AGGF1: variants seen among roughly 807,000 people sequenced by gnomAD.
The protein encoded by AGGF1 is angiogenic factor with G patch and FHA domains 1.
AGGF1 carries 56 observed loss-of-function variants against 86.5 expected under a neutral mutation model. That is an observed-to-expected ratio of 0.65 (90% CI 0.52 to 0.81). AGGF1 has a LOEUF of 0.81. Among genes scored for constraint, AGGF1 ranks in the 30% least tolerant of loss-of-function variants. AGGF1 has a pLI of 0.00. For synonymous variants in AGGF1, 313 were observed against 297.1 expected, an observed-to-expected ratio of 1.05 and a Z score of -0.55; for missense variants, 816 against 850.9, an observed-to-expected ratio of 0.96 and a Z score of 0.51.
chr5:77,052,833 A>C (rs756174609), intron 9 of AGGF1, 26 bp downstream of exon 9: 2 of 1,523,522 alleles, frequency 1.3e-6, no homozygotes, highest in African/African-American at 1.4e-5. Flanking sequence ...TTAATTTGTT[A>C]CCTGCACATT....
In AGGF1 at chr5:77,043,480, G is replaced by A. The variant is rs1240988950; in HGVS notation, c.871-2867G>A. ...TCCCAGACGGGGCGGTTGGCCGGGC[G>A]GAGGGCTGACCCCCCCACCTCCCTC... On this transcript the variant is annotated intron_variant, in intron 5 of 13. Transcript: ENST00000312916. 4.5e-5 allele frequency among the ~76,000 whole-genome samples: 6 copies of A among 134,648 alleles called. No homozygotes were observed. The East Asian group carries it at 7.6e-4, about 17-fold the overall frequency. 88.3% of individuals were successfully genotyped at this position (134,648 alleles called of 152,430 possible).
intron 13 of AGGF1, among the ~76,000 whole-genome samples, chr5:77,062,007 GT>G (rs932918563): frequency 6.6e-6 from 1 of 152,064 alleles, no homozygotes; most frequent in Admixed American, 6.6e-5. Context: ...CTCTTTTTGA[GT>G]TTTTTTCCCT....
chr5:77,053,392 G>C (rs1476202167), intron 9 of AGGF1, among the ~76,000 whole-genome samples: 1 of 152,148 alleles, frequency 6.6e-6, no homozygotes, highest in African/African-American at 2.4e-5. Context: ...GGTGGTGTGT[G>C]CCTGTTATCC....
intron 4 of AGGF1, among the ~76,000 whole-genome samples, chr5:77,037,264 C>T (rs1436256585): frequency 1.3e-5 from 2 of 152,084 alleles, no homozygotes; most frequent in Non-Finnish European, 2.9e-5. Flanking sequence ...TAGTTAACTA[C>T]ATCGTAAATA....
Position 77,059,683 on chromosome 5 carries a change from G to C in AGGF1, c.1784G>C (p.Arg595Thr). 1 of 1,613,802 alleles carries C rather than the reference G, an allele frequency of 6.2e-7. No individual in the cohort carries two copies. Among genetic ancestry groups the C allele is most frequent in the Non-Finnish European group, 8.5e-7 (1 of 1,179,754 alleles). The change falls in exon 12 of 14, where the codon AGG becomes ACG. Residue 595 changes from arginine to threonine, a missense_variant. By Grantham distance (71) the Arg-to-Thr change is moderately conservative. This residue lies in a region of AGGF1 where 565 missense variants were observed against 585.8 expected (regional missense o/e 0.96). Transcript: ENST00000312916. ...PKYKDRAGKR[R>T]EQVGSEGTFQ... ...TATAAAGATAGAGCTGGAAAACGTA[G>C]GGAGCAGGTTGGAAGTGAAGGAACT...
intron 5 of AGGF1, among the ~76,000 whole-genome samples, chr5:77,043,764 A>G (rs1362374024): frequency 5.5e-5 from 6 of 109,206 alleles, no homozygotes; most frequent in East Asian, 3.0e-4. Flanking sequence ...CCGGGCGGAG[A>G]GGCTCCTCAC....
At position 77,039,546 on chromosome 5, in the gene AGGF1, T is replaced by C; in HGVS notation, c.697T>C (p.Tyr233His). 6.2e-7 allele frequency: 1 copy of C among 1,608,380 alleles called. No individual in the cohort carries two copies. The highest frequency in any genetic ancestry group is 8.5e-7 in the Non-Finnish European group (1 of 1,177,124). ...FYYDSENQLY[Y>H]DPSTGIYYYC... ...ACTTTCAAAGGAAAATCAACTCTAT[T>C]ATGATCCTTCCACTGGAATTTATTA... The change falls in exon 5 of 14, where the codon TAT (tyrosine) becomes CAT (histidine). Residue 233 changes from tyrosine (Y) to histidine (H), a missense_variant. By Grantham distance (83) the Tyr-to-His change is moderately conservative (BLOSUM62 2). Around this residue, in one of 3 missense-constraint regions of AGGF1, gnomAD observed 565 missense variants for 585.8 expected, o/e 0.96. Coordinates refer to ENST00000312916, the MANE Select transcript of AGGF1 (RefSeq NM_018046.5).
chr5:77,059,856 T>G, intron 12 of AGGF1, 113 bp downstream of exon 12: 1 of 1,396,546 alleles, frequency 7.2e-7, no homozygotes. Context: ...ATTTGTTTAT[T>G]TATGAGATGG....
At chr5:77,042,570 C>T (rs1747123145) in intron 5 of AGGF1, among the ~76,000 whole-genome samples, 1 of 66,126 alleles carries the variant, frequency 1.5e-5, no homozygotes, top group African/African-American at 4.7e-5. Context: ...GGGCGGCTGG[C>T]CGGGCGGGGG....
In AGGF1 at chr5:77,039,557, C is replaced by G; in HGVS notation, c.708C>G (p.Ser236=). 1 of 1,608,800 alleles carries G rather than the reference C, an allele frequency of 6.2e-7. No homozygotes were observed. Among genetic ancestry groups the G allele is most frequent in the Non-Finnish European group, 8.5e-7 (1 of 1,177,274 alleles). ...DSENQLYYDP[S]TGIYYYCDVE... ...AAAATCAACTCTATTATGATCCTTCCACTGGAATTTATTACTATTGTGATG... is the reference window on the plus strand; with the variant it reads ...AAAATCAACTCTATTATGATCCTTCGACTGGAATTTATTACTATTGTGATG... Residue 236 remains serine, a synonymous_variant, in exon 5 of 14, where the codon TCC becomes TCG. Transcript: ENST00000312916.
intron 5 of AGGF1, among the ~76,000 whole-genome samples, chr5:77,045,611 A>C (rs1747233917): frequency 6.6e-6 from 1 of 152,234 alleles, no homozygotes; most frequent in South Asian, 2.1e-4. Context: ...TGAAGTACTA[A>C]ATTTTAGCAA....
chr5:77,052,900 A>C, intron 9 of AGGF1, 93 bp downstream of exon 9: 1 of 1,100,462 alleles, frequency 9.1e-7, no homozygotes, highest in Non-Finnish European at 1.4e-6. Context: ...CATTTGGTTC[A>C]GAGTAGAGTT....
At position 77,048,257 on chromosome 5, in the gene AGGF1, C is replaced by G; in HGVS notation, c.1298C>G (p.Pro433Arg). ...CTCTTTATCATTACTGCTGTAAACCCTGCTACAATTGGAAGGTAAAATGGT... is the reference window on the plus strand; with the variant it reads ...CTCTTTATCATTACTGCTGTAAACCGTGCTACAATTGGAAGGTAAAATGGT... Reference protein sequence around the residue: ...GSLFIITAVNPATIGREKDME... With the variant: ...GSLFIITAVNRATIGREKDME... Residue 433 changes from proline (P) to arginine (R), a missense_variant, in exon 7 of 14, where the codon CCT becomes CGT. Transcript: ENST00000312916. The G allele has an allele frequency of 6.2e-7, 1 of 1,607,398 alleles. No homozygotes were observed. Among genetic ancestry groups the G allele is most frequent in the Non-Finnish European group, 8.5e-7 (1 of 1,174,172 alleles).
intron 1 of AGGF1, among the ~76,000 whole-genome samples, chr5:77,034,049 C>T (rs1432274683): frequency 1.3e-5 from 2 of 152,084 alleles, no homozygotes; most frequent in African/African-American, 4.8e-5. Context: ...TGGAGAATAC[C>T]AAATGAGTAT....
rs906092841 is a variant in AGGF1 at position 77,049,098 on chromosome 5, T to C, written c.1365+111T>C. ...ATTTAATAGGAAGGTTAACATGCAG[T>C]GTAGTAATGGTAATAAAGGCAGTGC... On this transcript the variant is annotated intron_variant, in intron 8 of 13. Transcript: ENST00000312916. 3.1e-6 allele frequency: 3 copies of C among 982,604 alleles called. No homozygotes were observed. In the African/African-American group the frequency reaches 4.9e-5, roughly 16 times the overall value. The allele number at this position is 982,604 out of a possible 1,614,324, so 60.9% of individuals were successfully genotyped here. A position where few individuals can be genotyped will look rare whatever the true frequency, so the allele number is the denominator to read the frequency against.
intron 5 of AGGF1, among the ~76,000 whole-genome samples, chr5:77,041,438 A>ATGCCTGTAATCCCAGC (rs1300912537): frequency 6.6e-6 from 1 of 151,988 alleles, no homozygotes; most frequent in Non-Finnish European, 1.5e-5. Flanking sequence ...GTGGTGGCAG[A>ATGCCTGTAATCCCAGC]TGCCTGTAAT....
In AGGF1 at chr5:77,061,694, T is replaced by C. The variant is rs1747567185; in HGVS notation, c.1845-9T>C. 6.3e-7 allele frequency: 1 copy of C among 1,599,386 alleles called. No homozygotes were observed. Among genetic ancestry groups the C allele is most frequent in the South Asian group, 1.1e-5 (1 of 90,692 alleles). On this transcript the variant is annotated splice_polypyrimidine_tract_variant and intron_variant, in intron 12 of 13. Coordinates refer to ENST00000312916, the MANE Select transcript of AGGF1 (RefSeq NM_018046.5). ...TATAAATCAACTATCATTTTAATAT[T>C]CCTTAAAGTGAAATTACTGATAGCA...
chr5:77,059,999 G>A (rs1023841311), intron 12 of AGGF1, among the ~76,000 whole-genome samples: 1 of 152,062 alleles, frequency 6.6e-6, no homozygotes, highest in Admixed American at 6.5e-5. Context: ...GTGCCATCAC[G>A]CCCAGCTAAT....
chr5:77,063,265 GA>G lies in AGGF1; in HGVS notation c.*21del, dbSNP rs34239222. ...GACTTTAGAGTGAAGGCTAATCATA[GA>G]AAAAAAACCTCTAGTTTTTTTAAAA... On this transcript the variant is annotated 3_prime_UTR_variant, in exon 14 of 14. Transcript: ENST00000312916. 3.1e-6 allele frequency: 5 copies of G among 1,605,040 alleles called. No homozygotes were observed. The South Asian group carries it at 5.6e-5, about 18-fold the overall frequency.
Sources: allele counts gnomAD v4.1 joint callset (sites outside exome capture counted in the v4.1 genomes callset), GRCh38; gene constraint gnomAD v4.1.1; regional missense constraint gnomAD v4.1.1; transcripts MANE v1.5; gene names NCBI Gene and HGNC (gene_info 2026-07-23, HGNC 2026-07-21).